Variants in STBD1 observed in about 807,000 individuals in gnomAD.
The protein encoded by STBD1 is starch binding domain 1, also known as starch-binding domain-containing protein 1.
STBD1 carries 13 observed loss-of-function variants against 10.5 expected under a neutral mutation model. The ratio of observed to expected loss-of-function variants is 1.24; its 90% CI spans 0.81 to 1.97. STBD1 has a LOEUF of 1.97. Among genes scored for constraint, STBD1 ranks in the 30% most tolerant of loss-of-function variants. The pLI, the probability that STBD1 is intolerant of heterozygous loss-of-function variation, is 0.00. For missense variants in STBD1, 427 were observed against 435.6 expected (o/e 0.98, Z 0.17); for synonymous variants, 146 against 160.2 (o/e 0.91, Z 0.67).
rs1718896752 is a variant in STBD1 at position 76,309,930 on chromosome 4, A to G, written c.1007A>G (p.Glu336Gly). 1 of 1,614,000 alleles carries G rather than the reference A, an allele frequency of 6.2e-7. No individual in the cohort carries two copies. Among genetic ancestry groups the G allele is most frequent in the Non-Finnish European group, 8.5e-7 (1 of 1,180,040 alleles). Reference protein sequence around the residue: ...VENGGVTRWEECSNRFLETGH... With the variant: ...VENGGVTRWEGCSNRFLETGH... ...AATGGGGGAGTTACCCGCTGGGAAG[A>G]ATGCAGCAATAGATTCCTAGAAACT... Residue 336 changes from glutamate (E) to glycine (G), a missense_variant, in exon 2 of 2, where the codon GAA becomes GGA. Physicochemically the swap from Glu to Gly is moderately conservative, Grantham distance 98. Coordinates refer to ENST00000237642, the MANE Select transcript of STBD1 (RefSeq NM_003943.5).
At position 76,306,872 on chromosome 4, in the gene STBD1, G is replaced by A. The variant is rs371699339; in HGVS notation, c.103G>A (p.Asp35Asn). 3.7e-6 allele frequency: 6 copies of A among 1,611,890 alleles called. No individual in the cohort carries two copies. ...GGPGDTGKDG[D>N]AEQEKDAPLG... ...CCCTGGCGACACCGGGAAGGACGGGGATGCGGAGCAGGAGAAAGACGCCCC... is the reference window on the plus strand; with the variant it reads ...CCCTGGCGACACCGGGAAGGACGGGAATGCGGAGCAGGAGAAAGACGCCCC... The change falls in exon 1 of 2, where the codon GAT becomes AAT. Residue 35 changes from aspartate to asparagine, a missense_variant. Asp to Asn is a conservative substitution (Grantham distance 23). Coordinates refer to ENST00000237642, the MANE Select transcript of STBD1 (RefSeq NM_003943.5).
rs1373162979 is a variant in STBD1 at position 76,309,896 on chromosome 4, T to C, written c.973T>C (p.Leu325=). ...ADTVVEWKFV[L]VENGGVTRWE... ...TACAGTGGTGGAGTGGAAGTTTGTG[T>C]TGGTAGAGAATGGGGGAGTTACCCG... The change falls in exon 2 of 2, where the codon TTG becomes CTG. Residue 325 remains leucine, a synonymous_variant. Coordinates refer to ENST00000237642, the MANE Select transcript of STBD1 (RefSeq NM_003943.5). 1.9e-6 allele frequency: 3 copies of C among 1,614,100 alleles called. No homozygotes were observed. The highest frequency in any genetic ancestry group is 2.5e-6 in the Non-Finnish European group (3 of 1,180,032).
At position 76,309,700 on chromosome 4, in the gene STBD1, A is replaced by G. The variant is rs772214724; in HGVS notation, c.777A>G (p.Ala259=). Residue 259 remains alanine (A), a synonymous_variant, in exon 2 of 2, where the codon GCA becomes GCG. Transcript: ENST00000237642. ...TGGAAAGGGTAGCAGTGATGCCTGCAGGGTCTCAGCAAGTTAGTGTCAGGT... is the reference window on the plus strand; with the variant it reads ...TGGAAAGGGTAGCAGTGATGCCTGCGGGGTCTCAGCAAGTTAGTGTCAGGT... ...GKMERVAVMP[A]GSQQVSVRFQ... 19 of 1,614,258 alleles carry G rather than the reference A, an allele frequency of 1.2e-5. No homozygotes were observed. Among genetic ancestry groups the G allele is most frequent in the Non-Finnish European group, 1.5e-5 (18 of 1,180,042 alleles).
Position 76,306,957 on chromosome 4 carries a change from G to A in STBD1, c.188G>A (p.Gly63Glu), listed in dbSNP as rs1718788012. ...AGTGGCAGCAGCGGACTGAGCCCTG[G>A]ACCTTCCGGGCAGGAGCTGGTCACC... is the stretch of plus-strand genomic sequence containing the variant. ...HQSGSSGLSP[G>E]PSGQELVTKP... The change falls in exon 1 of 2, where the codon GGA (glycine) becomes GAA (glutamate). Residue 63 changes from glycine to glutamate, a missense_variant. Coordinates refer to ENST00000237642, the MANE Select transcript of STBD1 (RefSeq NM_003943.5). The A allele has an allele frequency of 2.5e-6, 4 of 1,606,686 alleles. No homozygotes were observed. Among genetic ancestry groups the A allele is most frequent in the Non-Finnish European group, 3.4e-6 (4 of 1,177,698 alleles).
At position 76,310,570 on chromosome 4, in the gene STBD1, A is replaced by T. The variant is rs1718915094; in HGVS notation, c.*570A>T. 6.5e-6 allele frequency: 1 copy of T among 154,392 alleles called. No individual in the cohort carries two copies. Among genetic ancestry groups the T allele is most frequent in the African/African-American group, 2.4e-5 (1 of 41,456 alleles). The allele number at this position is 154,392 out of a possible 1,614,324, so 9.6% of individuals were successfully genotyped here. A position where few individuals can be genotyped will look rare whatever the true frequency, so the allele number is the denominator to read the frequency against. On this transcript the variant is annotated 3_prime_UTR_variant, in exon 2 of 2. Coordinates refer to ENST00000237642, the MANE Select transcript of STBD1 (RefSeq NM_003943.5). ...TCTGGTCTGGATGTGATTAGTAAGG[A>T]TACAAGATAATGTTCTAAGACTGCC...
At chr4:76,308,205 G>GTT (rs1002280214) in intron 1 of STBD1, among the ~76,000 whole-genome samples, 4 of 145,190 alleles carry the variant, frequency 2.8e-5, no homozygotes, top group Admixed American at 7.3e-5. Flanking sequence ...GGAGACAGAG[G>GTT]TTGCAGTGAA....
Sources: allele counts gnomAD v4.1 joint callset (sites outside exome capture counted in the v4.1 genomes callset), GRCh38; gene constraint gnomAD v4.1.1; transcripts MANE v1.5; gene names NCBI Gene and HGNC (gene_info 2026-07-23, HGNC 2026-07-21).